The following IL2 variants were observed in gnomAD, a reference collection of about 807,000 sequenced individuals.
The protein encoded by IL2 is interleukin 2, also known as interleukin-2.
In IL2, 3 loss-of-function variants were observed where a neutral mutation model predicts 14.6. The observed-to-expected ratio is 0.21, with a 90% confidence interval of 0.09 to 0.53. The LOEUF is 0.53. Among genes scored for constraint, IL2 ranks in the 20% least tolerant of loss-of-function variants. The pLI is 0.95. For synonymous variants in IL2, 71 were observed against 60.0 expected, an observed-to-expected ratio of 1.18 and a Z score of -0.85; for missense variants, 125 against 170.8, an observed-to-expected ratio of 0.73 and a Z score of 1.50.
At position 122,451,526 on chromosome 4, in the gene IL2, A is replaced by G. The variant is rs1310735762; in HGVS notation, c.*226T>C. On this transcript the variant is annotated 3_prime_UTR_variant, in exon 4 of 4. Coordinates refer to ENST00000226730, the MANE Select transcript of IL2 (RefSeq NM_000586.4). Reference sequence around the variant, plus strand: ...ACTAACCAATCTACATAGATACTATATTTAACATTCAACATAATAATAAAT... The same window carrying G: ...ACTAACCAATCTACATAGATACTATGTTTAACATTCAACATAATAATAAAT... 1 of 263,308 alleles carries G rather than the reference A, an allele frequency of 3.8e-6. No individual in the cohort carries two copies. Among genetic ancestry groups the G allele is most frequent in the Non-Finnish European group, 7.2e-6 (1 of 138,820 alleles). The allele number at this position is 263,308 out of a possible 1,614,324, so 16.3% of individuals were successfully genotyped here.
At position 122,451,700 on chromosome 4, in the gene IL2, T is replaced by C; in HGVS notation, c.*52A>G. 1.6e-6 allele frequency: 1 copy of C among 619,858 alleles called. No individual in the cohort carries two copies. Among genetic ancestry groups the C allele is most frequent in the Middle Eastern group, 4.0e-4 (1 of 2,494 alleles). 38.4% of individuals were successfully genotyped at this position (619,858 alleles called of 1,614,324 possible). On this transcript the variant is annotated 3_prime_UTR_variant, in exon 4 of 4. Transcript: ENST00000226730. ...TTCAACAATAAATATAAAATTTAAA[T>C]ATTTAAATAAATAGAAGGCCTGATA...
rs1388957682 is a variant in IL2 at position 122,451,820 on chromosome 4, C to T, written c.394G>A (p.Ala132Thr). The T allele has an allele frequency of 3.1e-6, 5 of 1,594,030 alleles. No homozygotes were observed. Among genetic ancestry groups the T allele is most frequent in the Non-Finnish European group, 4.3e-6 (5 of 1,168,404 alleles). Residue 132 changes from alanine (A) to threonine (T), a missense_variant, in exon 4 of 4, where the codon GCA becomes ACA. By Grantham distance (58) the Ala-to-Thr change is moderately conservative. Coordinates refer to ENST00000226730, the MANE Select transcript of IL2 (RefSeq NM_000586.4). Reference protein sequence around the residue: ...TFMCEYADETATIVEFLNRWI... With the variant: ...TFMCEYADETTTIVEFLNRWI... ...CTGTTCAGAAATTCTACAATGGTTGCTGTCTCATCAGCATATTCACACATG... is the reference window on the plus strand; with the variant it reads ...CTGTTCAGAAATTCTACAATGGTTGTTGTCTCATCAGCATATTCACACATG...
In IL2 at chr4:122,456,499, G is replaced by C; in HGVS notation, c.-59C>G. The C allele has an allele frequency of 7.4e-7, 1 of 1,346,114 alleles. No homozygotes were observed. Among genetic ancestry groups the C allele is most frequent in the South Asian group, 1.4e-5 (1 of 69,718 alleles). The allele number at this position is 1,346,114 out of a possible 1,614,324, so 83.4% of individuals were successfully genotyped here. ...TTAAAGAGAGTGATAGGGAACTCTT[G>C]AACAAGAGATGCAATTTATACTGTT... is the stretch of plus-strand genomic sequence containing the variant. On this transcript the variant is annotated 5_prime_UTR_variant, in exon 1 of 4. Coordinates refer to ENST00000226730, the MANE Select transcript of IL2 (RefSeq NM_000586.4).
chr4:122,456,587 CTT>C lies in IL2; in HGVS notation c.-149_-148del. ...TACATATTACACATATTTTCAAAGACTTTACCTGTCTGAAAAAACATTACCTT... is the reference window on the plus strand; with the variant it reads ...TACATATTACACATATTTTCAAAGACTACCTGTCTGAAAAAACATTACCTT... On this transcript the variant is annotated 5_prime_UTR_variant, in exon 1 of 4. An upstream open reading frame in the 5' UTR gains an earlier in-frame stop. Coordinates refer to ENST00000226730, the MANE Select transcript of IL2 (RefSeq NM_000586.4). 1 of 575,102 alleles carries C rather than the reference CTT, an allele frequency of 1.7e-6. No homozygotes were observed. The highest frequency in any genetic ancestry group is 3.0e-6 in the Non-Finnish European group (1 of 336,228). 35.6% of individuals were successfully genotyped at this position (575,102 alleles called of 1,614,324 possible).
chr4:122,452,108 A>G (rs1241043849), intron 3 of IL2, among the ~76,000 whole-genome samples: 1 of 152,116 alleles, frequency 6.6e-6, no homozygotes, highest in African/African-American at 2.4e-5. Flanking sequence ...GAACACAAAA[A>G]TTTTTTCCCT....
chr4:122,453,296 C>T (rs1173348305), intron 3 of IL2, among the ~76,000 whole-genome samples: 1 of 151,684 alleles, frequency 6.6e-6, no homozygotes, highest in Non-Finnish European at 1.5e-5. Flanking sequence ...GTAGTCCTTC[C>T]ATCAAATGAT....
In IL2 at chr4:122,456,186, T is replaced by C. The variant is rs764919913; in HGVS notation, c.165A>G (p.Lys55=). Residue 55 remains lysine, a synonymous_variant, in exon 2 of 4, where the codon AAA becomes AAG. Transcript: ENST00000226730. ...LNGINNYKNP[K]LTRMLTFKFY... Reference sequence around the variant, plus strand: ...ACTTAAATGTGAGCATCCTGGTGAGTTTGGGATTCTTGTAATTCTAAGAAA... The same window carrying C: ...ACTTAAATGTGAGCATCCTGGTGAGCTTGGGATTCTTGTAATTCTAAGAAA... The C allele has an allele frequency of 1.2e-6, 2 of 1,609,192 alleles. No homozygotes were observed. Among genetic ancestry groups the C allele is most frequent in the South Asian group, 2.2e-5 (2 of 90,922 alleles).
At chr4:122,455,772 A>AT (rs45543437) in intron 2 of IL2, among the ~76,000 whole-genome samples, 319 of 152,044 alleles carry the variant, frequency 2.1e-3, no homozygotes, top group Admixed American at 4.1e-3. Flanking sequence ...ACAAGAAAAG[A>AT]TTTTTAAAAG....
chr4:122,452,132 A>G (rs1209692526), intron 3 of IL2, among the ~76,000 whole-genome samples: 1 of 152,138 alleles, frequency 6.6e-6, no homozygotes, highest in Non-Finnish European at 1.5e-5. Context: ...TTGGGTGCAA[A>G]TAAAGATTTA....
rs1308709578 is a variant in IL2, at chr4:122,456,398, C to A, written c.43G>T (p.Ala15Ser). 6.2e-7 allele frequency: 1 copy of A among 1,612,230 alleles called. No individual in the cohort carries two copies. The highest frequency in any genetic ancestry group is 1.1e-5 in the South Asian group (1 of 91,016). The change falls in exon 1 of 4, where the codon GCA becomes TCA. Residue 15 changes from alanine to serine, a missense_variant. Ala to Ser is a moderately conservative substitution (Grantham distance 99). Coordinates refer to ENST00000226730, the MANE Select transcript of IL2 (RefSeq NM_000586.4). Reference sequence around the variant, plus strand: ...GTAGGTGCACTGTTTGTGACAAGTGCAAGACTTAGTGCAATGCAAGACAGG... The same window carrying A: ...GTAGGTGCACTGTTTGTGACAAGTGAAAGACTTAGTGCAATGCAAGACAGG... Reference protein sequence around the residue: ...QLLSCIALSLALVTNSAPTSS... With the variant: ...QLLSCIALSLSLVTNSAPTSS...
intron 2 of IL2, 97 bp from the exon 3 acceptor site, chr4:122,453,950 T>TA (rs1313760222): frequency 9.3e-7 from 1 of 1,070,350 alleles, no homozygotes; most frequent in African/African-American, 1.6e-5. Context: ...ATGTAGTTTT[T>TA]ACCATTCTCT....
At position 122,456,430 on chromosome 4, in the gene IL2, A is replaced by G. The variant is rs757619199; in HGVS notation, c.11T>C (p.Met4Thr). ...TAGTGCAATGCAAGACAGGAGTTGCATCCTGTACATTGTGGCAGGAGTTGA... is the reference window on the plus strand; with the variant it reads ...TAGTGCAATGCAAGACAGGAGTTGCGTCCTGTACATTGTGGCAGGAGTTGA... Reference protein sequence around the residue: MYRMQLLSCIALSL... With the variant: MYRTQLLSCIALSL... The change falls in exon 1 of 4, where the codon ATG becomes ACG. Residue 4 changes from methionine (M) to threonine (T), a missense_variant. Physicochemically the swap from Met to Thr is moderately conservative, Grantham distance 81 (BLOSUM62 -1). Transcript: ENST00000226730. The G allele has an allele frequency of 5.6e-6, 9 of 1,609,158 alleles. No homozygotes were observed. The East Asian group carries it at 2.0e-4, about 36-fold the overall frequency.
intron 3 of IL2, 26 bp from the exon 4 acceptor site, chr4:122,451,888 TA>T: frequency 7.7e-7 from 1 of 1,293,214 alleles, no homozygotes; most frequent in Non-Finnish European, 1.1e-6. Context: ...GTTAATTTTT[TA>T]AAGTACAGAG....
chr4:122,453,897 A>G (rs1271792586), intron 2 of IL2, 44 bp from the exon 3 acceptor site: 2 of 1,525,422 alleles, frequency 1.3e-6, no homozygotes, highest in South Asian at 2.4e-5. Context: ...TAGAGGTCAG[A>G]ATCAGAAATT....
At chr4:122,455,111 T>C (rs940041090) in intron 2 of IL2, among the ~76,000 whole-genome samples, 1 of 151,904 alleles carries the variant, frequency 6.6e-6, no homozygotes, top group African/African-American at 2.4e-5. Context: ...CTGTCTCCTT[T>C]ACATCTTTCA....
intron 3 of IL2, among the ~76,000 whole-genome samples, chr4:122,452,070 AT>A (rs1365634809): frequency 1.3e-5 from 2 of 152,074 alleles, no homozygotes; most frequent in African/African-American, 4.8e-5. Context: ...AGAAGCTGAG[AT>A]TTTCCTCATT....
At chr4:122,452,923 A>G (rs1394047662) in intron 3 of IL2, among the ~76,000 whole-genome samples, 3 of 151,940 alleles carry the variant, frequency 2.0e-5, no homozygotes, top group African/African-American at 7.2e-5. Context: ...GAATCTGTCA[A>G]TGTCTAGATG....
In IL2 at chr4:122,451,887, T is replaced by G. The variant is rs760459373; in HGVS notation, c.352-25A>C. 4.6e-6 allele frequency: 6 copies of G among 1,316,842 alleles called. No individual in the cohort carries two copies. In the Admixed American group the frequency reaches 1.1e-4, roughly 25 times the overall value. 81.6% of individuals were successfully genotyped at this position (1,316,842 alleles called of 1,614,324 possible). ...CCTATAAAAGAAAAATGTTAATTTT[T>G]TAAAGTACAGAGTAGTTTACCTTAT... is the stretch of plus-strand genomic sequence containing the variant. On this transcript the variant is annotated intron_variant, in intron 3 of 3. Coordinates refer to ENST00000226730, the MANE Select transcript of IL2 (RefSeq NM_000586.4).
At position 122,456,585 on chromosome 4, in the gene IL2, G is replaced by T. The variant is rs1797732075; in HGVS notation, c.-145C>A. 8.6e-6 allele frequency: 5 copies of T among 580,182 alleles called. No homozygotes were observed. The highest frequency in any genetic ancestry group is 3.8e-5 in the African/African-American group (2 of 53,088). 35.9% of individuals were successfully genotyped at this position (580,182 alleles called of 1,614,324 possible). A position where few individuals can be genotyped will look rare whatever the true frequency, so the allele number is the denominator to read the frequency against. On this transcript the variant is annotated 5_prime_UTR_variant, in exon 1 of 4. Coordinates refer to ENST00000226730, the MANE Select transcript of IL2 (RefSeq NM_000586.4). Reference sequence around the variant, plus strand: ...TTTACATATTACACATATTTTCAAAGACTTTACCTGTCTGAAAAAACATTA... The same window carrying T: ...TTTACATATTACACATATTTTCAAATACTTTACCTGTCTGAAAAAACATTA...
Sources: allele counts gnomAD v4.1 joint callset (sites outside exome capture counted in the v4.1 genomes callset), GRCh38; gene constraint gnomAD v4.1.1; transcripts MANE v1.5; gene names NCBI Gene and HGNC (gene_info 2026-07-23, HGNC 2026-07-21).